Variants in DENND5B observed in about 807,000 individuals in gnomAD.
DENND5B encodes the protein DENN domain-containing protein 5B.
Under a neutral mutation model 140.6 loss-of-function variants are expected in DENND5B, and 34 were observed. The ratio of observed to expected loss-of-function variants is 0.24; its 90% CI spans 0.18 to 0.32. The LOEUF is 0.32. Among genes scored for constraint, DENND5B ranks in the 10% least tolerant of loss-of-function variants. DENND5B has a pLI of 1.00. For synonymous variants in DENND5B, 551 were observed against 562.1 expected (o/e 0.98, Z 0.28); for missense variants, 1,142 against 1,560.2 (o/e 0.73, Z 4.52).
intron 8 of DENND5B, chr12:31,432,835 G>A (rs1207750546): frequency 4.3e-6 from 1 of 234,496 alleles, no homozygotes; most frequent in Non-Finnish European, 8.2e-6. Flanking sequence ...ACTTAGAAAT[G>A]TCTAGGCTTC....
intron 5 of DENND5B, chr12:31,451,706 C>G: frequency 2.1e-6 from 1 of 483,880 alleles, no homozygotes; most frequent in Non-Finnish European, 3.6e-6. Context: ...ATTTAATGAC[C>G]AGTTCAATGA....
At chr12:31,435,543 C>A (rs770281304) in intron 7 of DENND5B, among the ~76,000 whole-genome samples, 2 of 152,134 alleles carry the variant, frequency 1.3e-5, no homozygotes, top group South Asian at 4.2e-4. Context: ...TTTCTTCACA[C>A]CTCTGATGTA....
chr12:31,445,549 C>CA (rs1944238323), intron 6 of DENND5B, among the ~76,000 whole-genome samples: 1 of 151,908 alleles, frequency 6.6e-6, no homozygotes, highest in South Asian at 2.1e-4. Context: ...ACCAAAAATA[C>CA]AAAAAATTAG....
intron 7 of DENND5B, among the ~76,000 whole-genome samples, chr12:31,440,117 T>C (rs1396939613): frequency 3.9e-5 from 6 of 152,166 alleles, no homozygotes; most frequent in Non-Finnish European, 8.8e-5. Flanking sequence ...TAGAATATTG[T>C]ATCTAGTACC....
intron 1 of DENND5B, among the ~76,000 whole-genome samples, chr12:31,510,700 T>G (rs1293812203): frequency 6.6e-6 from 1 of 152,174 alleles, no homozygotes; most frequent in Non-Finnish European, 1.5e-5. Context: ...GCTGAGATTT[T>G]CTGCTTTTAA....
rs1945888320 is a variant in DENND5B at position 31,477,850 on chromosome 12, T to C, written c.904+1739A>G. The stretch of plus-strand genomic sequence containing the variant: ...TGCAAAACTGAAAGTGGTTTAACAG[T>C]CAGTAAGAATCAAGCCCCTGAAGTT... On this transcript the variant is annotated intron_variant, in intron 3 of 20. Coordinates refer to ENST00000389082, the MANE Select transcript of DENND5B (RefSeq NM_144973.4). 1.4e-5 allele frequency: 3 copies of C among 222,202 alleles called. No individual in the cohort carries two copies. The South Asian group carries it at 2.5e-4, about 19-fold the overall frequency. 13.8% of individuals were successfully genotyped at this position (222,202 alleles called of 1,614,324 possible). A position where few individuals can be genotyped will look rare whatever the true frequency, so the allele number is the denominator to read the frequency against.
intron 2 of DENND5B, among the ~76,000 whole-genome samples, chr12:31,483,200 A>C (rs913538460): frequency 1.3e-5 from 2 of 152,208 alleles, no homozygotes; most frequent in African/African-American, 4.8e-5. Flanking sequence ...TAAGAAGTGG[A>C]GCTCACTCTC....
intron 17 of DENND5B, among the ~76,000 whole-genome samples, chr12:31,396,218 C>G (rs1380156797): frequency 6.6e-6 from 1 of 151,906 alleles, no homozygotes; most frequent in East Asian, 1.9e-4. Flanking sequence ...TACAGGTGCA[C>G]ACTACCATGC....
intron 1 of DENND5B, among the ~76,000 whole-genome samples, chr12:31,525,868 C>T (rs897435051): frequency 1.3e-5 from 2 of 152,084 alleles, no homozygotes; most frequent in African/African-American, 4.8e-5. Context: ...TAGCAAGTGC[C>T]TGTGGTCCCA....
At chr12:31,477,237 A>AC (rs1945858892) in intron 3 of DENND5B, among the ~76,000 whole-genome samples, 1 of 151,770 alleles carries the variant, frequency 6.6e-6, no homozygotes, top group Non-Finnish European at 1.5e-5. Flanking sequence ...TAAAAAAAAA[A>AC]AAAAGTTATT....
intron 1 of DENND5B, among the ~76,000 whole-genome samples, chr12:31,513,045 G>A (rs1334012796): frequency 2.0e-5 from 3 of 152,086 alleles, no homozygotes; most frequent in Admixed American, 6.5e-5. Flanking sequence ...TGGCTGTGAC[G>A]GTTTCTCACA....
intron 1 of DENND5B, among the ~76,000 whole-genome samples, chr12:31,543,407 C>T (rs147853071): frequency 1.3e-5 from 2 of 152,206 alleles, no homozygotes; most frequent in East Asian, 3.9e-4. Flanking sequence ...AATTTATGCT[C>T]CTTGCTTGTC....
intron 7 of DENND5B, among the ~76,000 whole-genome samples, chr12:31,433,831 C>A (rs1334751312): frequency 1.4e-5 from 1 of 70,116 alleles, no homozygotes; most frequent in Non-Finnish European, 3.2e-5. Flanking sequence ...CCAGCCTAGG[C>A]AACATAGTGA....
At chr12:31,498,296 T>G (rs573797847) in intron 1 of DENND5B, among the ~76,000 whole-genome samples, 1 of 152,340 alleles carries the variant, frequency 6.6e-6, no homozygotes, top group South Asian at 2.1e-4. Flanking sequence ...TGCCTGTGTA[T>G]AGTTAAAATA....
intron 2 of DENND5B, among the ~76,000 whole-genome samples, chr12:31,484,235 G>A (rs1018420904): frequency 1.3e-5 from 2 of 152,164 alleles, no homozygotes; most frequent in African/African-American, 4.8e-5. Context: ...ATTTGGCCCA[G>A]GGACTGCTAA....
At position 31,387,534 on chromosome 12, in the gene DENND5B, A is replaced by AC; in HGVS notation, c.*68dup. ...CCCTGCAGTGACTCACTACTGTCAG[A>AC]CAAGTCCAAATCGGTCCCCTAGTTG... On this transcript the variant is annotated 3_prime_UTR_variant, in exon 21 of 21. Coordinates refer to ENST00000389082, the MANE Select transcript of DENND5B (RefSeq NM_144973.4). The AC allele has an allele frequency of 6.5e-7, 1 of 1,531,676 alleles. No individual in the cohort carries two copies. Among genetic ancestry groups the AC allele is most frequent in the Non-Finnish European group, 8.9e-7 (1 of 1,126,248 alleles). The allele number at this position is 1,531,676 out of a possible 1,614,324, so 94.9% of individuals were successfully genotyped here.
At chr12:31,413,588 A>G in intron 12 of DENND5B, 24 bp from the exon 13 acceptor site, 1 of 1,601,948 alleles carries the variant, frequency 6.2e-7, no homozygotes, top group Non-Finnish European at 8.5e-7. Flanking sequence ...GCAACAGCAA[A>G]GATGTAGATT....
intron 1 of DENND5B, among the ~76,000 whole-genome samples, chr12:31,511,926 T>C (rs926394199): frequency 7.1e-6 from 1 of 139,976 alleles, no homozygotes; most frequent in Non-Finnish European, 1.5e-5. Flanking sequence ...CTGCCCTTTT[T>C]TTTTTTTTTT....
chr12:31,523,909 T>C (rs2139025306), intron 1 of DENND5B, among the ~76,000 whole-genome samples: 1 of 152,118 alleles, frequency 6.6e-6, no homozygotes, highest in East Asian at 1.9e-4. Context: ...TAGGATGTGA[T>C]TAAGCTTATT....
Sources: gnomAD v4.1 joint callset for allele counts (sites outside exome capture counted in the v4.1 genomes callset) on GRCh38, gnomAD v4.1.1 for gene constraint, MANE v1.5 for transcripts, NCBI Gene and HGNC (gene_info 2026-07-23, HGNC 2026-07-21) for gene names.